The following CUX1 variants were observed in gnomAD, a reference collection of about 807,000 sequenced individuals.
CUX1 encodes the protein cut like homeobox 1.
Under a neutral mutation model 158.8 loss-of-function variants are expected in CUX1, and 31 were observed. That is an observed-to-expected ratio of 0.20 (90% CI 0.15 to 0.26). The LOEUF (loss-of-function observed/expected upper bound fraction) is 0.26, where lower values mean the gene tolerates loss of function less well. Ranked by LOEUF, CUX1 falls within the 10% of genes least tolerant of loss-of-function variation. The pLI is 1.00. For missense variants in CUX1, 1,589 were observed against 2,014.6 expected, an observed-to-expected ratio of 0.79 and a Z score of 4.04; for synonymous variants, 879 against 862.1, an observed-to-expected ratio of 1.02 and a Z score of -0.34.
At position 102,097,677 on chromosome 7, in the gene CUX1, A is replaced by G. The variant is rs578257480; in HGVS notation, c.406+176A>G. Reference sequence around the variant, plus strand: ...AGAGAGATGATAATCATGCTGAGCTATTTCGAAGTAAAACTTTTCCTCTGC... The same window carrying G: ...AGAGAGATGATAATCATGCTGAGCTGTTTCGAAGTAAAACTTTTCCTCTGC... On this transcript the variant is annotated intron_variant, in intron 5 of 23. Coordinates refer to ENST00000292535, the MANE Select transcript of CUX1 (RefSeq NM_181552.4). Among the ~76,000 whole-genome samples the G allele has an allele frequency of 2.0e-5, 3 of 148,134 alleles. No individual in the cohort carries two copies. The South Asian group carries it at 6.4e-4, about 32-fold the overall frequency.
At position 102,201,746 on chromosome 7, in the gene CUX1, A is replaced by G; in HGVS notation, c.2449A>G (p.Ser817Gly). 1 of 1,612,762 alleles carries G rather than the reference A, an allele frequency of 6.2e-7. No homozygotes were observed. Among genetic ancestry groups the G allele is most frequent in the African/African-American group, 1.3e-5 (1 of 75,072 alleles). The change falls in exon 18 of 24, where the codon AGC becomes GGC. Residue 817 changes from serine (S) to glycine (G), a missense_variant. Around this residue, in one of 8 missense-constraint regions of CUX1, gnomAD observed 337 missense variants for 409.3 expected, o/e 0.82. Coordinates refer to ENST00000292535, the MANE Select transcript of CUX1 (RefSeq NM_181552.4). The surrounding 1 kb of genome is among the most constrained non-coding windows in gnomAD (Gnocchi z 5.0). Reference sequence around the variant, plus strand: ...ACAGGTGAAAAATGAGGTGGGCCGCAGCGGTGCCTGGAAGGACCACTGGTG... The same window carrying G: ...ACAGGTGAAAAATGAGGTGGGCCGCGGCGGTGCCTGGAAGGACCACTGGTG... Reference protein sequence around the residue: ...LRQVKNEVGRSGAWKDHWWSA... With the variant: ...LRQVKNEVGRGGAWKDHWWSA...
intron 3 of CUX1, among the ~76,000 whole-genome samples, chr7:102,039,469 C>T (rs1821804167): frequency 6.6e-6 from 1 of 152,070 alleles, no homozygotes. Context: ...GCCTTGGCAA[C>T]GTAGTGAAAC....
chr7:102,167,599 A>G (rs1314537939), intron 9 of CUX1, among the ~76,000 whole-genome samples: 1 of 152,244 alleles, frequency 6.6e-6, no homozygotes, highest in Non-Finnish European at 1.5e-5. Context: ...CAGGAGAAAT[A>G]TCTCCAAATA....
intron 2 of CUX1, among the ~76,000 whole-genome samples, chr7:101,999,589 C>T (rs1331478517): frequency 2.0e-5 from 3 of 152,302 alleles, no homozygotes; most frequent in Non-Finnish European, 4.4e-5. Flanking sequence ...AGTGTCTGAG[C>T]GCTGCTTCTG....
At chr7:102,139,216 G>A (rs1182788777) in intron 8 of CUX1, among the ~76,000 whole-genome samples, 1 of 138,574 alleles carries the variant, frequency 7.2e-6, no homozygotes, top group African/African-American at 2.8e-5. Flanking sequence ...CTGCACTCCA[G>A]CCTGGGCAAC....
At chr7:101,837,981 C>T (rs543634509) in intron 1 of CUX1, among the ~76,000 whole-genome samples, 21 of 152,066 alleles carry the variant, frequency 1.4e-4, no homozygotes, top group African/African-American at 5.1e-4. Flanking sequence ...TTTTCAGCCC[C>T]CTTTCCTCAT....
At position 102,132,292 on chromosome 7, in the gene CUX1, A is replaced by AGTGT. The variant is rs782562542; in HGVS notation, c.674+17033_674+17036dup. ...TATTTGCAATATATATGAGAGAGAG[A>AGTGT]GTGTGTGTGTGTGTGTGCGCGCGCG... On this transcript the variant is annotated intron_variant, in intron 8 of 23. Coordinates refer to ENST00000292535, the MANE Select transcript of CUX1 (RefSeq NM_181552.4). Among the ~76,000 whole-genome samples the AGTGT allele has an allele frequency of 3.5e-3, 360 of 103,394 alleles. 4 individuals are homozygous for AGTGT. The highest frequency in any genetic ancestry group is 7.0e-3 in the Admixed American group (66 of 9,462). 67.8% of individuals were successfully genotyped at this position (103,394 alleles called of 152,430 possible). A position where few individuals can be genotyped will look rare whatever the true frequency, so the allele number is the denominator to read the frequency against.
intron 8 of CUX1, among the ~76,000 whole-genome samples, chr7:102,123,059 C>T (rs547080198): frequency 1.3e-5 from 2 of 152,090 alleles, no homozygotes; most frequent in East Asian, 1.9e-4. Context: ...GGTGAAACCC[C>T]GTCTCTACTA....
chr7:102,277,307 A>G (rs1471464790), intron 17 of CUX1, among the ~76,000 whole-genome samples: 1 of 152,040 alleles, frequency 6.6e-6, no homozygotes, highest in Non-Finnish European at 1.5e-5. Context: ...TAAAATATAT[A>G]GACAGGGGCC....
At chr7:102,239,827 A>G (rs1799995162) in intron 23 of CUX1, among the ~76,000 whole-genome samples, 1 of 151,442 alleles carries the variant, frequency 6.6e-6, no homozygotes, top group South Asian at 2.1e-4. Flanking sequence ...GCTCACTGCA[A>G]CCTCCGCCTC....
At chr7:101,852,125 C>T (rs750744147) in intron 1 of CUX1, among the ~76,000 whole-genome samples, 5 of 151,994 alleles carry the variant, frequency 3.3e-5, no homozygotes, top group African/African-American at 4.8e-5. Flanking sequence ...CCACCGCACC[C>T]AGCCTTACCT....
intron 2 of CUX1, among the ~76,000 whole-genome samples, chr7:102,019,700 GT>G (rs1447448148): frequency 6.6e-6 from 1 of 152,192 alleles, no homozygotes. Context: ...CCGTGGTGGA[GT>G]TGTACCACGT....
intron 1 of CUX1, among the ~76,000 whole-genome samples, chr7:101,914,226 A>G (rs907733337): frequency 2.0e-5 from 3 of 152,156 alleles, no homozygotes; most frequent in African/African-American, 7.2e-5. Context: ...TGCCAGAAAT[A>G]CTAAGGGGAG....
chr7:102,093,852 A>G (rs1324745589), intron 4 of CUX1, among the ~76,000 whole-genome samples: 1 of 152,124 alleles, frequency 6.6e-6, no homozygotes, highest in Non-Finnish European at 1.5e-5. Flanking sequence ...TCGGAGGAGG[A>G]GGAGGCTGGG....
At chr7:101,981,916 C>G (rs1309393824) in intron 2 of CUX1, among the ~76,000 whole-genome samples, 2 of 152,118 alleles carry the variant, frequency 1.3e-5, no homozygotes, top group Non-Finnish European at 2.9e-5. Context: ...GGCCAGGTTT[C>G]AAGTCTTGAC....
intron 23 of CUX1, among the ~76,000 whole-genome samples, chr7:102,240,296 G>T (rs1482969144): frequency 1.3e-5 from 2 of 152,010 alleles, no homozygotes; most frequent in African/African-American, 4.8e-5. Context: ...AGAGACAAGG[G>T]CTTGCTCTGT....
chr7:102,030,689 G>GTTTTTTTTTTTTTGTTTTGTTTTGTTTTT (rs1585341128), intron 3 of CUX1, among the ~76,000 whole-genome samples: 1 of 82,540 alleles, frequency 1.2e-5, no homozygotes, highest in Non-Finnish European at 2.1e-5. Flanking sequence ...ATTTTAAAAA[G>GTTTTTTTTTTTTTGTTTTGTTTTGTTTTT]TGTTTTTTTT....
At chr7:101,967,310 C>T (rs563206028) in intron 2 of CUX1, among the ~76,000 whole-genome samples, 10 of 152,302 alleles carry the variant, frequency 6.6e-5, no homozygotes, top group Admixed American at 1.3e-4. Flanking sequence ...CCACCGCGCC[C>T]GGCCAGAAAT....
chr7:102,097,538 TC>T (rs1554484727), intron 5 of CUX1, 37 bp downstream of exon 5: 5 of 1,500,208 alleles, frequency 3.3e-6, no homozygotes, highest in Middle Eastern at 1.8e-4. Flanking sequence ...TTTCTTTTCT[TC>T]TTTTTTTTCT....
Sources: gnomAD v4.1 joint callset for allele counts (sites outside exome capture counted in the v4.1 genomes callset) on GRCh38, gnomAD v4.1.1 for gene constraint, gnomAD v4.1.1 regional missense constraint, Gnocchi (gnomAD v3.1) non-coding constraint, MANE v1.5 for transcripts, NCBI Gene and HGNC (gene_info 2026-07-23, HGNC 2026-07-21) for gene names.